SRPRA: variants seen among roughly 807,000 people sequenced by gnomAD.
SRPRA encodes the protein SRP receptor subunit alpha.
SRPRA carries 30 observed loss-of-function variants against 61.1 expected under a neutral mutation model. The observed-to-expected ratio is 0.49, with a 90% CI of 0.37 to 0.67. The LOEUF (loss-of-function observed/expected upper bound fraction) is 0.67, where lower values mean the gene tolerates loss of function less well. SRPRA is among the 30% of genes least tolerant of loss of function. SRPRA has a pLI of 0.00. For synonymous variants in SRPRA, 324 were observed against 299.7 expected, an observed-to-expected ratio of 1.08 and a Z score of -0.84; for missense variants, 759 against 828.4, an observed-to-expected ratio of 0.92 and a Z score of 1.03.
chr11:126,258,658 T>C (rs1005905827), downstream of SRPRA, among the ~76,000 whole-genome samples: 2 of 152,252 alleles, frequency 1.3e-5, no homozygotes, highest in Non-Finnish European at 2.9e-5. Flanking sequence ...TCTCCTGCTG[T>C]TGTTTGCCCA....
chr11:126,237,399 T>G, the SRPRA span, among the ~76,000 whole-genome samples: 1 of 143,280 alleles, frequency 7.0e-6, no homozygotes, highest in Non-Finnish European at 1.6e-5. Context: ...TTTTATTTTA[T>G]TTATTTATTT....
At chr11:126,253,011 G>A in the SRPRA span, among the ~76,000 whole-genome samples, 1 of 152,272 alleles carries the variant, frequency 6.6e-6, no homozygotes, top group East Asian at 1.9e-4. The surrounding 1 kb of genome is among the most constrained non-coding windows in gnomAD (Gnocchi z 5.1). Flanking sequence ...CTCCAATCTG[G>A]GCAACAGACC....
At chr11:126,238,616 G>A in the SRPRA span, among the ~76,000 whole-genome samples, 727 of 152,264 alleles carry the variant, frequency 4.8e-3, 4 homozygotes, top group African/African-American at 0.017. Flanking sequence ...CCTCAGCTGT[G>A]TGCAGTGTTC....
At chr11:126,239,464 T>C in the SRPRA span, among the ~76,000 whole-genome samples, 78 of 152,258 alleles carry the variant, frequency 5.1e-4, no homozygotes, top group Non-Finnish European at 9.8e-4. Flanking sequence ...TATGCTTCAC[T>C]ATCTTGATTG....
At chr11:126,253,611 A>G in the SRPRA span, among the ~76,000 whole-genome samples, 318 of 152,286 alleles carry the variant, frequency 2.1e-3, no homozygotes, top group African/African-American at 7.5e-3. The surrounding 1 kb of genome is among the most constrained non-coding windows in gnomAD (Gnocchi z 5.1). Context: ...TATATTAACA[A>G]TTTGAACTGG....
chr11:126,261,881 A>G (rs1259405243), downstream of SRPRA, among the ~76,000 whole-genome samples: 1 of 152,046 alleles, frequency 6.6e-6, no homozygotes, highest in Non-Finnish European at 1.5e-5. Context: ...AGTCCCGGCT[A>G]CTGGCTGAGG....
the SRPRA span, among the ~76,000 whole-genome samples, chr11:126,241,450 G>T: frequency 6.6e-6 from 1 of 152,116 alleles, no homozygotes; most frequent in African/African-American, 2.4e-5. Flanking sequence ...GTTCTTTTTA[G>T]AGGTAATAAG....
chr11:126,265,948 G>A lies in SRPRA; in HGVS notation c.1051+15C>T. 1 of 1,613,090 alleles carries A rather than the reference G, an allele frequency of 6.2e-7. No homozygotes were observed. The highest frequency in any genetic ancestry group is 8.5e-7 in the Non-Finnish European group (1 of 1,179,094). On this transcript the variant is annotated intron_variant, in intron 8 of 13. Coordinates refer to ENST00000332118, the MANE Select transcript of SRPRA (RefSeq NM_003139.4). The surrounding 1 kb of genome is among the most constrained non-coding windows in gnomAD (Gnocchi z 6.3). ...TATCCCGCGAGTATGAGTCAGCCCG[G>A]TCCTCAGAACTTACCAATGAGATGA...
At chr11:126,257,872 G>A in the SRPRA span, among the ~76,000 whole-genome samples, 98 of 152,284 alleles carry the variant, frequency 6.4e-4, no homozygotes, top group African/African-American at 2.2e-3. Context: ...GCAAAATGGT[G>A]ATTAAAGATT....
chr11:126,261,529 G>A (rs760563377), downstream of SRPRA: 2 of 1,485,578 alleles, frequency 1.3e-6, no homozygotes, highest in South Asian at 2.3e-5. Flanking sequence ...GTAGCAGAAA[G>A]TCTTTCTAGG....
chr11:126,243,627 G>C, the SRPRA span, among the ~76,000 whole-genome samples: 40 of 152,224 alleles, frequency 2.6e-4, no homozygotes, highest in African/African-American at 7.9e-4. Flanking sequence ...TATCAGGCCA[G>C]GTGCGGTGGC....
downstream of SRPRA, among the ~76,000 whole-genome samples, chr11:126,259,053 T>A (rs1950628195): frequency 6.6e-6 from 1 of 152,232 alleles, no homozygotes; most frequent in Non-Finnish European, 1.5e-5. Context: ...GGATTTTCAG[T>A]ATGGCCAGAG....
At chr11:126,246,203 T>C in the SRPRA span, among the ~76,000 whole-genome samples, 1 of 152,222 alleles carries the variant, frequency 6.6e-6, no homozygotes, top group Non-Finnish European at 1.5e-5. Context: ...ATTGCGATTA[T>C]GTTTTTGTTT....
the SRPRA span, among the ~76,000 whole-genome samples, chr11:126,253,797 C>T: frequency 2.6e-5 from 4 of 152,218 alleles, no homozygotes; most frequent in Non-Finnish European, 2.9e-5. This position sits in a 1 kb window ranked among gnomAD's most constrained non-coding sequence, Gnocchi z 5.1. Context: ...TCACTTTCTT[C>T]GCATGGCAGC....
chr11:126,240,124 A>G, the SRPRA span, among the ~76,000 whole-genome samples: 3 of 152,200 alleles, frequency 2.0e-5, no homozygotes, highest in Non-Finnish European at 2.9e-5. Flanking sequence ...TGTCTCACAT[A>G]TGGGCCTCAG....
rs1318013243 is a variant in SRPRA at position 126,267,617 on chromosome 11, T to C, written c.297A>G (p.Gln99=). 6.2e-7 allele frequency: 1 copy of C among 1,614,066 alleles called. No homozygotes were observed. The highest frequency in any genetic ancestry group is 8.5e-7 in the Non-Finnish European group (1 of 1,180,058). ...LFRDKYRTEI[Q]QQSALSLLNG... ...TTAATAAACTTAAAGCACTTTGCTGTTGGATCTCTGTGCGGTACTTGTCCC... is the reference window on the plus strand; with the variant it reads ...TTAATAAACTTAAAGCACTTTGCTGCTGGATCTCTGTGCGGTACTTGTCCC... Residue 99 remains glutamine (Q), a synonymous_variant, in exon 3 of 14, where the codon CAA becomes CAG. Transcript: ENST00000332118. This position sits in a 1 kb window ranked among gnomAD's most constrained non-coding sequence, Gnocchi z 4.2.
chr11:126,256,506 G>T, the SRPRA span: 1 of 1,528,066 alleles, frequency 6.5e-7, no homozygotes, highest in Non-Finnish European at 8.9e-7. The surrounding 1 kb of genome is among the most constrained non-coding windows in gnomAD (Gnocchi z 6.6). Context: ...TGACCTTCTT[G>T]TTTCAGACTT....
chr11:126,265,592 A>C lies in SRPRA; in HGVS notation c.1138+145T>G. The C allele has an allele frequency of 1.1e-5, 13 of 1,214,478 alleles. No homozygotes were observed. Among genetic ancestry groups the C allele is most frequent in the Non-Finnish European group, 1.4e-5 (12 of 858,280 alleles). The allele number at this position is 1,214,478 out of a possible 1,614,324, so 75.2% of individuals were successfully genotyped here. A position where few individuals can be genotyped will look rare whatever the true frequency, so the allele number is the denominator to read the frequency against. ...AGACGCACATTACAAGGACTAACTC[A>C]CTGAATCCTCTCAATAACCCTTAAA... On this transcript the variant is annotated intron_variant, in intron 9 of 13. Coordinates refer to ENST00000332118, the MANE Select transcript of SRPRA (RefSeq NM_003139.4). This position sits in a 1 kb window ranked among gnomAD's most constrained non-coding sequence, Gnocchi z 6.3.
the SRPRA span, among the ~76,000 whole-genome samples, chr11:126,239,482 C>T: frequency 1.3e-5 from 2 of 152,140 alleles, no homozygotes; most frequent in Admixed American, 1.3e-4. Context: ...TTGCTCTGAA[C>T]TGAAACTCAT....
Sources: gnomAD v4.1 joint callset for allele counts (sites outside exome capture counted in the v4.1 genomes callset) on GRCh38, gnomAD v4.1.1 for gene constraint, Gnocchi (gnomAD v3.1) non-coding constraint, MANE v1.5 for transcripts, NCBI Gene and HGNC (gene_info 2026-07-23, HGNC 2026-07-21) for gene names.